MTMR2: variants seen among roughly 807,000 people sequenced by gnomAD.
MTMR2 encodes the protein phosphatidylinositol-3,5-bisphosphate 3-phosphatase MTMR2.
A neutral mutation model predicts 86.9 loss-of-function variants in MTMR2; 55 were observed. The observed-to-expected ratio is 0.63, with a 90% CI of 0.51 to 0.79. MTMR2 has a LOEUF of 0.79. Ranked by LOEUF, MTMR2 falls within the 30% of genes least tolerant of loss-of-function variation. The pLI, the probability that MTMR2 is intolerant of heterozygous loss-of-function variation, is 0.00. For synonymous variants in MTMR2, 241 were observed against 266.8 expected, an observed-to-expected ratio of 0.90 and a Z score of 0.94; for missense variants, 659 against 772.3, an observed-to-expected ratio of 0.85 and a Z score of 1.74.
chr11:95,892,363 T>C (rs893338043), intron 1 of MTMR2, among the ~76,000 whole-genome samples: 4 of 152,198 alleles, frequency 2.6e-5, no homozygotes, highest in African/African-American at 9.7e-5. Context: ...GGTCTTCCAG[T>C]TGGAACTAAA....
intron 2 of MTMR2, among the ~76,000 whole-genome samples, chr11:95,875,232 C>G (rs562992178): frequency 6.6e-6 from 1 of 152,354 alleles, no homozygotes; most frequent in Non-Finnish European, 1.5e-5. Context: ...TTCAGGTACA[C>G]CAATCAGACA....
chr11:95,852,150 T>C (rs1864044111), intron 7 of MTMR2, among the ~76,000 whole-genome samples: 1 of 152,224 alleles, frequency 6.6e-6, no homozygotes, highest in African/African-American at 2.4e-5. Flanking sequence ...GTGTAGGCAC[T>C]TTGCCAGCCT....
At chr11:95,899,401 G>C (rs181710273) in intron 1 of MTMR2, among the ~76,000 whole-genome samples, 13 of 152,248 alleles carry the variant, frequency 8.5e-5, no homozygotes, top group Admixed American at 2.6e-4. Context: ...TTTTAAGACT[G>C]AGGTGGTAGC....
chr11:95,839,315 G>C (rs1056994857), intron 12 of MTMR2, among the ~76,000 whole-genome samples: 3 of 151,872 alleles, frequency 2.0e-5, no homozygotes, highest in Non-Finnish European at 4.4e-5. Flanking sequence ...AAAAAACTTT[G>C]TCAAGTCCCA....
chr11:95,839,757 C>T (rs1253278633), intron 12 of MTMR2, among the ~76,000 whole-genome samples: 1 of 152,070 alleles, frequency 6.6e-6, no homozygotes, highest in Non-Finnish European at 1.5e-5. Context: ...AGTCTCTGTA[C>T]TAGTATTCAA....
At position 95,834,431 on chromosome 11, in the gene MTMR2, CTAG is replaced by C. The variant is rs1437440265; in HGVS notation, c.*856_*858del. On this transcript the variant is annotated 3_prime_UTR_variant, in exon 15 of 15. Coordinates refer to ENST00000346299, the MANE Select transcript of MTMR2 (RefSeq NM_016156.6). ...ACAGAATTCAGAAAAAATGTCAATC[CTAG>C]TAAGATTTTTAAATACTTCTTAAAA... 6.6e-6 allele frequency: 1 copy of C among 152,006 alleles called. No individual in the cohort carries two copies. Among genetic ancestry groups the C allele is most frequent in the Non-Finnish European group, 1.5e-5 (1 of 67,954 alleles). 9.4% of individuals were successfully genotyped at this position (152,006 alleles called of 1,614,324 possible).
At chr11:95,869,360 C>T (rs909660937) in intron 2 of MTMR2, among the ~76,000 whole-genome samples, 3 of 152,052 alleles carry the variant, frequency 2.0e-5, no homozygotes, top group Admixed American at 6.5e-5. Context: ...ACTTATTATT[C>T]ACGTAATAGA....
intron 1 of MTMR2, among the ~76,000 whole-genome samples, chr11:95,916,017 T>C (rs1262238403): frequency 1.3e-5 from 2 of 152,076 alleles, no homozygotes; most frequent in African/African-American, 2.4e-5. Flanking sequence ...GAGTTCAGAG[T>C]GCTCCAAGAT....
chr11:95,859,596 G>T (rs1243013824), intron 5 of MTMR2, among the ~76,000 whole-genome samples: 1 of 152,086 alleles, frequency 6.6e-6, no homozygotes. Context: ...ATTGATACTT[G>T]AATGAAACAT....
intron 2 of MTMR2, among the ~76,000 whole-genome samples, chr11:95,872,058 G>A (rs1310910871): frequency 6.6e-6 from 1 of 151,906 alleles, no homozygotes; most frequent in Non-Finnish European, 1.5e-5. Context: ...TATGTGTGAT[G>A]CCTCCAGCTT....
chr11:95,835,167 A>G lies in MTMR2; in HGVS notation c.*123T>C. The stretch of plus-strand genomic sequence containing the variant: ...TCTAAACTCATCCTAGAGAGATTTA[A>G]AATAAATAAAGTGACTGAACTTTCT... On this transcript the variant is annotated 3_prime_UTR_variant, in exon 15 of 15. Transcript: ENST00000346299. 9.4e-7 allele frequency: 1 copy of G among 1,060,126 alleles called. No homozygotes were observed. Among genetic ancestry groups the G allele is most frequent in the Non-Finnish European group, 1.4e-6 (1 of 705,832 alleles). The allele number at this position is 1,060,126 out of a possible 1,614,324, so 65.7% of individuals were successfully genotyped here.
chr11:95,836,079 G>C, intron 14 of MTMR2, 69 bp downstream of exon 14: 1 of 1,417,954 alleles, frequency 7.1e-7, no homozygotes, highest in Non-Finnish European at 1.0e-6. Flanking sequence ...AATCTTTCCA[G>C]CTGCTTTTAA....
intron 1 of MTMR2, among the ~76,000 whole-genome samples, chr11:95,889,942 T>G (rs1258802178): frequency 6.6e-6 from 1 of 152,216 alleles, no homozygotes; most frequent in Non-Finnish European, 1.5e-5. Flanking sequence ...TTTTTTTCAC[T>G]AGGTTTTGAT....
At chr11:95,902,061 A>T (rs1350059874) in intron 1 of MTMR2, among the ~76,000 whole-genome samples, 1 of 152,160 alleles carries the variant, frequency 6.6e-6, no homozygotes, top group Non-Finnish European at 1.5e-5. Context: ...TATCTCATAG[A>T]ATCTTACTGT....
intron 1 of MTMR2, among the ~76,000 whole-genome samples, chr11:95,912,720 TATAAA>T (rs1866556551): frequency 6.6e-6 from 1 of 152,018 alleles, no homozygotes; most frequent in East Asian, 1.9e-4. Context: ...GAATATCAAC[TATAAA>T]ATATAGTATT....
intron 2 of MTMR2, among the ~76,000 whole-genome samples, chr11:95,875,966 G>A (rs534061): frequency 0.014 from 2,119 of 152,304 alleles, 25 homozygotes; most frequent in South Asian, 0.023. Flanking sequence ...TGGAAGTTTT[G>A]TCTCAGAGAA....
Position 95,879,980 on chromosome 11 carries a change from T to A in MTMR2, c.186+8176A>T, listed in dbSNP as rs1591016828. Among the ~76,000 whole-genome samples, 5 of 152,050 alleles carry A rather than the reference T, an allele frequency of 3.3e-5. No homozygotes were observed. The South Asian group carries it at 1.0e-3, about 31-fold the overall frequency. ...AGCAGAGTTTTAAAGTTTCTTCACATATTTTCTGCATATTTAAGTTTATTC... is the reference window on the plus strand; with the variant it reads ...AGCAGAGTTTTAAAGTTTCTTCACAAATTTTCTGCATATTTAAGTTTATTC... On this transcript the variant is annotated intron_variant, in intron 2 of 14. Transcript: ENST00000346299.
intron 1 of MTMR2, among the ~76,000 whole-genome samples, chr11:95,908,511 A>G (rs1668576916): frequency 6.6e-6 from 1 of 152,184 alleles, no homozygotes; most frequent in African/African-American, 2.4e-5. Context: ...ATCTGGAACC[A>G]AAAAGAAGCC....
At chr11:95,897,983 T>C (rs1006366723) in intron 1 of MTMR2, among the ~76,000 whole-genome samples, 2 of 152,206 alleles carry the variant, frequency 1.3e-5, no homozygotes, top group African/African-American at 4.8e-5. Flanking sequence ...CTTGGAGTAC[T>C]TTTCTGCCAA....
Sources: gnomAD v4.1 joint callset for allele counts (sites outside exome capture counted in the v4.1 genomes callset) on GRCh38, gnomAD v4.1.1 for gene constraint, MANE v1.5 for transcripts, NCBI Gene and HGNC (gene_info 2026-07-23, HGNC 2026-07-21) for gene names.